Variants in USP13 observed in about 807,000 individuals in gnomAD.
USP13 encodes ubiquitin carboxyl-terminal hydrolase 13.
A neutral mutation model predicts 107.8 loss-of-function variants in USP13; 68 were observed. That is an observed-to-expected ratio of 0.63 (90% confidence interval 0.52 to 0.77). USP13 has a LOEUF of 0.77. Ranked by LOEUF, USP13 falls within the 30% of genes least tolerant of loss-of-function variation. The probability of loss-of-function intolerance (pLI) is 0.00; values close to 1 mark genes in which losing one functional copy is unlikely to be tolerated. For missense variants in USP13, 945 were observed against 1,093.3 expected (o/e 0.86, Z 1.91); for synonymous variants, 377 against 389.5 (o/e 0.97, Z 0.38).
chr3:179,657,025 C>T lies in USP13; in HGVS notation c.168+3632C>T, dbSNP rs1407071704. Among the ~76,000 whole-genome samples, 9 of 152,234 alleles carry T rather than the reference C, an allele frequency of 5.9e-5. No individual in the cohort carries two copies. In the South Asian group the frequency reaches 1.0e-3, roughly 18 times the overall value. Reference sequence around the variant, plus strand: ...GATTTCATTGATTGTTGGGGACAGTCGTGAAGGAGAGAGCCCAGACTGGCA... The same window carrying T: ...GATTTCATTGATTGTTGGGGACAGTTGTGAAGGAGAGAGCCCAGACTGGCA... On this transcript the variant is annotated intron_variant, in intron 1 of 20. Coordinates refer to ENST00000263966, the MANE Select transcript of USP13 (RefSeq NM_003940.3).
rs531498940 is a variant in USP13 at position 179,722,748 on chromosome 3, T to C, written c.1088+1159T>C. On this transcript the variant is annotated intron_variant, in intron 8 of 20. Coordinates refer to ENST00000263966, the MANE Select transcript of USP13 (RefSeq NM_003940.3). ...TACTAGATCTTGTTCATTCTACTTATACTTTTTTACCCATTAACCATCCTA... is the reference window on the plus strand; with the variant it reads ...TACTAGATCTTGTTCATTCTACTTACACTTTTTTACCCATTAACCATCCTA... Among the ~76,000 whole-genome samples the C allele has an allele frequency of 2.0e-4, 30 of 152,360 alleles. No homozygotes were observed. The South Asian group carries it at 2.7e-3, about 14-fold the overall frequency.
At position 179,789,265 on chromosome 3, in the gene USP13, G is replaced by A. The variant is rs148946968; in HGVS notation, c.*5124G>A. The A allele has an allele frequency of 6.6e-6, 1 of 152,306 alleles. No individual in the cohort carries two copies. The highest frequency in any genetic ancestry group is 1.5e-5 in the Non-Finnish European group (1 of 68,018). 9.4% of individuals were successfully genotyped at this position (152,306 alleles called of 1,614,324 possible). On this transcript the variant is annotated 3_prime_UTR_variant, in exon 21 of 21. Transcript: ENST00000263966. ...TTGATGTTGGCTCCTGAAAGAGTTT[G>A]TATTTATTTTATTTTGCACTAGTCA...
chr3:179,680,125 A>G (rs1458499441), intron 1 of USP13, among the ~76,000 whole-genome samples: 1 of 151,960 alleles, frequency 6.6e-6, no homozygotes, highest in Non-Finnish European at 1.5e-5. Context: ...GTGAGCCGGG[A>G]TCCTGCCATT....
chr3:179,721,531 A>T lies in USP13; in HGVS notation c.1030A>T (p.Ser344Cys), dbSNP rs1358426369. 1.2e-6 allele frequency: 2 copies of T among 1,614,160 alleles called. No homozygotes were observed. The highest frequency in any genetic ancestry group is 1.7e-6 in the Non-Finnish European group (2 of 1,180,032). ...GYTGLKNLGN[S>C]CYLSSVMQAI... ...CACGGGTCTGAAGAACCTGGGCAAC[A>T]GCTGCTATCTCAGCTCTGTCATGCA... The change falls in exon 8 of 21, where the codon AGC becomes TGC. Residue 344 changes from serine to cysteine, a missense_variant. By Grantham distance (112) the Ser-to-Cys change is moderately radical. Coordinates refer to ENST00000263966, the MANE Select transcript of USP13 (RefSeq NM_003940.3). This position sits in a 1 kb window ranked among gnomAD's most constrained non-coding sequence, Gnocchi z 4.3.
At chr3:179,748,770 G>A (rs1368407938) in intron 13 of USP13, among the ~76,000 whole-genome samples, 1 of 152,204 alleles carries the variant, frequency 6.6e-6, no homozygotes, top group South Asian at 2.1e-4. Flanking sequence ...ATAGTGTGGG[G>A]TTGCAGAGCA....
At chr3:179,658,136 A>C (rs905797721) in intron 1 of USP13, among the ~76,000 whole-genome samples, 3 of 152,080 alleles carry the variant, frequency 2.0e-5, no homozygotes, top group Non-Finnish European at 2.9e-5. Flanking sequence ...TTGTATTTTT[A>C]GTAGAGACGG....
Position 179,693,582 on chromosome 3 carries a change from G to A in USP13, c.355+3281G>A, listed in dbSNP as rs540304785. Among the ~76,000 whole-genome samples the A allele has an allele frequency of 4.6e-5, 7 of 152,234 alleles. No individual in the cohort carries two copies. In the South Asian group the frequency reaches 1.2e-3, roughly 27 times the overall value. ...ATTGGTCCCAGCCCTGAGTTAATGT[G>A]ACCTATAAATTAATTTCAGTGATGG... On this transcript the variant is annotated intron_variant, in intron 3 of 20. Coordinates refer to ENST00000263966, the MANE Select transcript of USP13 (RefSeq NM_003940.3).
intron 19 of USP13, among the ~76,000 whole-genome samples, chr3:179,770,190 T>C (rs755148503): frequency 2.6e-5 from 4 of 152,222 alleles, no homozygotes; most frequent in Non-Finnish European, 5.9e-5. Context: ...TTTATGAGAG[T>C]TTCATGTACT....
At chr3:179,667,885 T>G (rs1411071966) in intron 1 of USP13, among the ~76,000 whole-genome samples, 6 of 152,180 alleles carry the variant, frequency 3.9e-5, no homozygotes, top group African/African-American at 1.4e-4. Flanking sequence ...TGACCTCAGG[T>G]GATCTGGCCG....
intron 17 of USP13, among the ~76,000 whole-genome samples, chr3:179,763,152 T>C (rs557200414): frequency 0.011 from 1,624 of 152,286 alleles, 33 homozygotes; most frequent in African/African-American, 0.038. Flanking sequence ...ATTTGTGTTT[T>C]CCCCCCCATT....
intron 14 of USP13, among the ~76,000 whole-genome samples, chr3:179,752,864 G>T (rs1714660814): frequency 6.6e-6 from 1 of 152,190 alleles, no homozygotes; most frequent in African/African-American, 2.4e-5. Context: ...GGCAGGTGTG[G>T]CTAATGACAT....
chr3:179,757,206 C>T (rs1714840229), intron 16 of USP13, 128 bp downstream of exon 16: 8 of 1,053,238 alleles, frequency 7.6e-6, no homozygotes, highest in African/African-American at 1.6e-5. Flanking sequence ...CAGGTGGGAA[C>T]GGCTCTGTGT....
intron 1 of USP13, among the ~76,000 whole-genome samples, chr3:179,654,482 T>C (rs192783378): frequency 9.8e-5 from 15 of 152,298 alleles, no homozygotes; most frequent in Admixed American, 7.2e-4. Flanking sequence ...TCTATGTGAA[T>C]GTGTGAGAAG....
Position 179,707,018 on chromosome 3 carries a change from G to C in USP13, c.562G>C (p.Val188Leu), listed in dbSNP as rs1312872981. 2 of 1,614,126 alleles carry C rather than the reference G, an allele frequency of 1.2e-6. No individual in the cohort carries two copies. Among genetic ancestry groups the C allele is most frequent in the Non-Finnish European group, 1.7e-6 (2 of 1,180,016 alleles). The change falls in exon 5 of 21, where the codon GTA (valine) becomes CTA (leucine). Residue 188 changes from valine to leucine, a missense_variant. Physicochemically the swap from Val to Leu is conservative, Grantham distance 32. Coordinates refer to ENST00000263966, the MANE Select transcript of USP13 (RefSeq NM_003940.3). The part of the protein sequence containing the change: ...DPDTWENELP[V>L]SKYANNLTQL... ...AGACACGTGGGAAAATGAATTGCCA[G>C]TATCTAAATATGCCAACAACCTCAC...
At chr3:179,708,744 G>T in intron 5 of USP13, 29 bp from the exon 6 acceptor site, 1 of 1,612,086 alleles carries the variant, frequency 6.2e-7, no homozygotes, top group African/African-American at 1.3e-5. Flanking sequence ...TGCCCTGGCT[G>T]TTCTGACTAC....
chr3:179,701,010 C>G lies in USP13; in HGVS notation c.358C>G (p.Leu120Val), dbSNP rs375786336. 6.2e-7 allele frequency: 1 copy of G among 1,612,728 alleles called. No homozygotes were observed. The highest frequency in any genetic ancestry group is 8.5e-7 in the Non-Finnish European group (1 of 1,179,706). ...CTTTGTTTTTGTTTTCTCCTCAGAT[C>G]TAGATACTGATGACGATTTAAATAG... ...KRRNSKIFLDLDTDDDLNSDD... is the reference protein window; with the variant it reads ...KRRNSKIFLDVDTDDDLNSDD... The change falls in exon 4 of 21, where the codon CTA becomes GTA. Residue 120 changes from leucine (L) to valine (V), a missense_variant and splice_region_variant. Coordinates refer to ENST00000263966, the MANE Select transcript of USP13 (RefSeq NM_003940.3).
At chr3:179,663,679 T>C (rs1403553636) in intron 1 of USP13, among the ~76,000 whole-genome samples, 1 of 152,236 alleles carries the variant, frequency 6.6e-6, no homozygotes, top group Non-Finnish European at 1.5e-5. Flanking sequence ...TCCTCAATGG[T>C]GCCATTCAGA....
At chr3:179,732,969 C>T (rs1468246347) in intron 10 of USP13, among the ~76,000 whole-genome samples, 2 of 152,162 alleles carry the variant, frequency 1.3e-5, no homozygotes, top group African/African-American at 2.4e-5. Context: ...TTTGCTTGGT[C>T]CACACATAAA....
chr3:179,745,262 T>TG, intron 13 of USP13, 45 bp downstream of exon 13: 2 of 1,509,378 alleles, frequency 1.3e-6, no homozygotes, highest in East Asian at 2.3e-5. Context: ...GGAGGGGCCT[T>TG]GAGGGGTGGG....
Sources: allele counts gnomAD v4.1 joint callset (sites outside exome capture counted in the v4.1 genomes callset), GRCh38; gene constraint gnomAD v4.1.1; non-coding constraint Gnocchi (gnomAD v3.1); transcripts MANE v1.5; gene names NCBI Gene and HGNC (gene_info 2026-07-23, HGNC 2026-07-21).